Variants in COL27A1 observed in about 807,000 individuals in gnomAD.
COL27A1 encodes the protein collagen alpha-1(XXVII) chain.
COL27A1 carries 106 observed loss-of-function variants against 251.3 expected under a neutral mutation model. The ratio of observed to expected loss-of-function variants is 0.42; its 90% confidence interval spans 0.36 to 0.50. The LOEUF is 0.50. Among genes scored for constraint, COL27A1 ranks in the 20% least tolerant of loss-of-function variants. COL27A1 has a pLI of 0.00. For synonymous variants in COL27A1, 1,000 were observed against 986.3 expected, an observed-to-expected ratio of 1.01 and a Z score of -0.26; for missense variants, 2,325 against 2,522.8, an observed-to-expected ratio of 0.92 and a Z score of 1.68.
chr9:114,205,720 G>T (rs764662441), intron 8 of COL27A1, 39 bp from the exon 9 acceptor site: 2 of 1,597,266 alleles, frequency 1.3e-6, no homozygotes, highest in Non-Finnish European at 1.7e-6. Flanking sequence ...GCTGGGCAGG[G>T]TCTTTCTTTT....
chr9:114,303,933 A>T (rs368463222), intron 56 of COL27A1, among the ~76,000 whole-genome samples: 15 of 152,342 alleles, frequency 9.8e-5, no homozygotes, highest in African/African-American at 3.6e-4. Flanking sequence ...GCTTCCCATC[A>T]CAACTGACAT....
At chr9:114,283,503 G>A (rs1413666476) in intron 39 of COL27A1, among the ~76,000 whole-genome samples, 1 of 152,026 alleles carries the variant, frequency 6.6e-6, no homozygotes, top group Non-Finnish European at 1.5e-5. Flanking sequence ...CTGGAGCCAG[G>A]AGAAGGAGGG....
chr9:114,231,781 C>T (rs1248046556), intron 15 of COL27A1, 41 bp from the exon 16 acceptor site: 1 of 1,610,688 alleles, frequency 6.2e-7, no homozygotes, highest in Non-Finnish European at 8.5e-7. Flanking sequence ...CTTCTGTGGC[C>T]TAGAGTCCCA....
intron 57 of COL27A1, among the ~76,000 whole-genome samples, chr9:114,305,146 C>T (rs779244829): frequency 3.3e-5 from 5 of 152,216 alleles, no homozygotes; most frequent in African/African-American, 4.8e-5. Context: ...AGTCCAGCCT[C>T]GGTCAGGAGC....
intron 35 of COL27A1, among the ~76,000 whole-genome samples, chr9:114,269,749 C>G (rs1835007182): frequency 6.6e-6 from 1 of 152,096 alleles, no homozygotes; most frequent in African/African-American, 2.4e-5. Flanking sequence ...AGGAGCACAG[C>G]AGTGAGTAAC....
chr9:114,227,849 C>G (rs553607344), intron 14 of COL27A1, among the ~76,000 whole-genome samples: 13 of 152,274 alleles, frequency 8.5e-5, no homozygotes, highest in African/African-American at 3.1e-4. Context: ...GCCAAGCTGG[C>G]CTCGAGGGCG....
At chr9:114,217,937 A>C (rs148346837) in intron 12 of COL27A1, 1 of 408,226 alleles carries the variant, frequency 2.4e-6, no homozygotes, top group Non-Finnish European at 4.9e-6. Flanking sequence ...AACATGGAGA[A>C]ACCCCATCTT....
In COL27A1 at chr9:114,169,563, T is replaced by C; in HGVS notation, c.1908+100T>C. 5.1e-6 allele frequency: 5 copies of C among 983,118 alleles called. No homozygotes were observed. The South Asian group carries it at 9.3e-5, about 18-fold the overall frequency. The allele number at this position is 983,118 out of a possible 1,614,324, so 60.9% of individuals were successfully genotyped here. A position where few individuals can be genotyped will look rare whatever the true frequency, so the allele number is the denominator to read the frequency against. ...TAGTAAAGACAGGAAAAGGAGCAGC[T>C]TAGAGCAGGGAGCTGGTTATGGGTA... On this transcript the variant is annotated intron_variant, in intron 3 of 60. Coordinates refer to ENST00000356083, the MANE Select transcript of COL27A1 (RefSeq NM_032888.4).
intron 24 of COL27A1, among the ~76,000 whole-genome samples, chr9:114,246,824 G>C (rs758066034): frequency 1.8e-4 from 27 of 152,046 alleles, no homozygotes; most frequent in Non-Finnish European, 2.5e-4. Context: ...TGGGAAGCCC[G>C]GGAGTTTGGA....
intron 14 of COL27A1, among the ~76,000 whole-genome samples, chr9:114,226,844 T>G (rs1831504930): frequency 6.6e-6 from 1 of 152,226 alleles, no homozygotes; most frequent in Admixed American, 6.5e-5. Context: ...CACCTGCCTT[T>G]GGTCTGGGGG....
intron 49 of COL27A1, among the ~76,000 whole-genome samples, chr9:114,299,221 C>G (rs1828448906): frequency 6.6e-6 from 1 of 152,296 alleles, no homozygotes; most frequent in East Asian, 1.9e-4. Flanking sequence ...ACGTATTATC[C>G]TATTTTACAG....
intron 18 of COL27A1, 32 bp downstream of exon 18, chr9:114,237,066 C>T (rs761150565): frequency 6.4e-7 from 1 of 1,571,060 alleles, no homozygotes; most frequent in Non-Finnish European, 8.6e-7. Flanking sequence ...ACCCCCAAAC[C>T]TCACACTCTC....
chr9:114,167,826 C>G lies in COL27A1; in HGVS notation c.271C>G (p.Pro91Ala). Residue 91 changes from proline to alanine, a missense_variant, in exon 3 of 61, where the codon CCT becomes GCT. By Grantham distance (27) the Pro-to-Ala change is conservative. Transcript: ENST00000356083. Reference protein sequence around the residue: ...RLQAPTGTVIPAALGTELALV... With the variant: ...RLQAPTGTVIAAALGTELALV... Reference sequence around the variant, plus strand: ...CCAGGCTCCCACGGGCACCGTCATTCCTGCCGCCTTGGGCACAGAGCTGGC... The same window carrying G: ...CCAGGCTCCCACGGGCACCGTCATTGCTGCCGCCTTGGGCACAGAGCTGGC... The G allele has an allele frequency of 1.2e-6, 2 of 1,613,536 alleles. No homozygotes were observed. Among genetic ancestry groups the G allele is most frequent in the African/African-American group, 2.7e-5 (2 of 75,076 alleles).
At chr9:114,305,134 C>T (rs986361823) in intron 57 of COL27A1, among the ~76,000 whole-genome samples, 1 of 152,236 alleles carries the variant, frequency 6.6e-6, no homozygotes, top group African/African-American at 2.4e-5. Context: ...CCCATGTCCT[C>T]TAGTCCAGCC....
intron 12 of COL27A1, chr9:114,217,938 AC>A (rs1266320573): frequency 2.5e-6 from 1 of 406,136 alleles, no homozygotes; most frequent in African/African-American, 2.1e-5. Flanking sequence ...ACATGGAGAA[AC>A]CCCATCTTTA....
intron 28 of COL27A1, among the ~76,000 whole-genome samples, chr9:114,262,778 C>G (rs1442432659): frequency 1.3e-5 from 2 of 152,224 alleles, no homozygotes; most frequent in Admixed American, 6.5e-5. Context: ...CCCAGCTGAG[C>G]CTTGGCCTTG....
At chr9:114,262,891 A>C (rs923254848) in intron 28 of COL27A1, among the ~76,000 whole-genome samples, 2 of 149,420 alleles carry the variant, frequency 1.3e-5, no homozygotes, top group Non-Finnish European at 3.0e-5. Context: ...GAGAAGTGGA[A>C]TTTTCACTTT....
intron 54 of COL27A1, 27 bp downstream of exon 54, chr9:114,301,489 G>A (rs1828629071): frequency 1.2e-6 from 2 of 1,602,658 alleles, no homozygotes; most frequent in African/African-American, 1.3e-5. Flanking sequence ...TGAGGGCTGT[G>A]GGGCGGGGCG....
chr9:114,244,821 A>G (rs891082267), intron 23 of COL27A1, among the ~76,000 whole-genome samples: 37 of 152,204 alleles, frequency 2.4e-4, no homozygotes, highest in African/African-American at 8.4e-4. Flanking sequence ...GGGAGTGGTG[A>G]CATCGTCTGT....
Sources: allele counts gnomAD v4.1 joint callset (sites outside exome capture counted in the v4.1 genomes callset), GRCh38; gene constraint gnomAD v4.1.1; transcripts MANE v1.5; gene names NCBI Gene and HGNC (gene_info 2026-07-23, HGNC 2026-07-21).